Variants in VPS35L observed in about 807,000 individuals in gnomAD.
VPS35L encodes the protein VPS35 endosomal protein sorting factor like.
In VPS35L, 83 loss-of-function variants were observed where a neutral mutation model predicts 133.0. The ratio of observed to expected loss-of-function variants is 0.62; its 90% CI spans 0.52 to 0.75. VPS35L has a LOEUF of 0.75. VPS35L is among the 30% of genes least tolerant of loss of function. VPS35L has a pLI of 0.00. For synonymous variants in VPS35L, 423 were observed against 449.9 expected (o/e 0.94, Z 0.76); for missense variants, 1,083 against 1,206.8 (o/e 0.90, Z 1.52).
At chr16:19,666,453 G>A (rs1216259968) in intron 26 of VPS35L, among the ~76,000 whole-genome samples, 2 of 152,198 alleles carry the variant, frequency 1.3e-5, no homozygotes, top group African/African-American at 4.8e-5. Context: ...AATTACTTAA[G>A]ATAAGATTGA....
Position 19,664,017 on chromosome 16 carries a change from A to G in VPS35L, c.2222-5143A>G, listed in dbSNP as rs1220471119. 3.9e-5 allele frequency among the ~76,000 whole-genome samples: 6 copies of G among 152,068 alleles called. No homozygotes were observed. The East Asian group carries it at 1.2e-3, about 29-fold the overall frequency. ...AGTTTCCCGAATACCGTGTTCTTTC[A>G]GTGGTCCACAGACCTTTTGAAACTA... On this transcript the variant is annotated intron_variant, in intron 26 of 30. Coordinates refer to ENST00000417362, the MANE Select transcript of VPS35L (RefSeq NM_020314.7).
chr16:19,575,884 G>T (rs565868433), intron 5 of VPS35L, among the ~76,000 whole-genome samples: 1 of 146,644 alleles, frequency 6.8e-6, no homozygotes, highest in East Asian at 2.0e-4. Flanking sequence ...GGCCTGGTGC[G>T]GTGGCTCACA....
intron 12 of VPS35L, among the ~76,000 whole-genome samples, chr16:19,613,258 G>A (rs55807744): frequency 0.012 from 1,814 of 152,266 alleles, 33 homozygotes; most frequent in African/African-American, 0.04. Context: ...AGCCAAGATC[G>A]CGCCACTGCA....
intron 26 of VPS35L, among the ~76,000 whole-genome samples, chr16:19,666,972 C>CTTTCTTTTCT (rs113931786): frequency 2.1e-5 from 2 of 93,250 alleles, no homozygotes; most frequent in African/African-American, 3.4e-5. Flanking sequence ...TTCTTCCTTT[C>CTTTCTTTTCT]TTCCTTTCTT....
chr16:19,637,954 C>T (rs766331781), intron 20 of VPS35L, among the ~76,000 whole-genome samples: 15 of 152,184 alleles, frequency 9.9e-5, no homozygotes, highest in Non-Finnish European at 1.8e-4. Flanking sequence ...TTTGGACAGC[C>T]TTCTCTTACT....
At chr16:19,672,804 A>C (rs1974921501) in intron 27 of VPS35L, among the ~76,000 whole-genome samples, 1 of 152,242 alleles carries the variant, frequency 6.6e-6, no homozygotes. Context: ...GTGAGAAGGC[A>C]AAAGAAAAAA....
At chr16:19,569,622 G>C (rs754481517) in intron 3 of VPS35L, 31 bp downstream of exon 3, 2 of 1,507,700 alleles carry the variant, frequency 1.3e-6, no homozygotes, top group Middle Eastern at 1.8e-4. Flanking sequence ...TCGTCCAGTG[G>C]GGGTTGGTTT....
intron 23 of VPS35L, among the ~76,000 whole-genome samples, chr16:19,646,719 C>T (rs1973963020): frequency 6.6e-6 from 1 of 151,810 alleles, no homozygotes; most frequent in Non-Finnish European, 1.5e-5. Context: ...CTACTGCAAT[C>T]TGTGGGTCAA....
chr16:19,658,075 A>G (rs1284843901), intron 26 of VPS35L, among the ~76,000 whole-genome samples: 1 of 152,134 alleles, frequency 6.6e-6, no homozygotes, highest in African/African-American at 2.4e-5. Flanking sequence ...GAACCCACAG[A>G]AAAAGGGCAC....
chr16:19,589,227 G>A (rs1286956324), intron 7 of VPS35L, among the ~76,000 whole-genome samples: 1 of 152,078 alleles, frequency 6.6e-6, no homozygotes, highest in African/African-American at 2.4e-5. Context: ...GTATGCATTT[G>A]TTGTGGCTAT....
At chr16:19,671,468 C>CA (rs36049125) in intron 27 of VPS35L, among the ~76,000 whole-genome samples, 12,093 of 134,058 alleles carry the variant, frequency 0.09, 728 homozygotes, top group African/African-American at 0.16. Flanking sequence ...GACTCCATCT[C>CA]AAAAAAAAAA....
intron 6 of VPS35L, among the ~76,000 whole-genome samples, chr16:19,580,098 G>A (rs79029871): frequency 0.076 from 11,600 of 151,684 alleles, 817 homozygotes; most frequent in East Asian, 0.34. Context: ...TACTCAGGAG[G>A]CTGAAGTAGG....
At chr16:19,604,194 C>T (rs988065825) in intron 9 of VPS35L, among the ~76,000 whole-genome samples, 5 of 151,476 alleles carry the variant, frequency 3.3e-5, no homozygotes, top group African/African-American at 1.2e-4. Context: ...CTAGTTCTTC[C>T]TATTGTTATA....
chr16:19,614,289 C>T (rs938735751), intron 12 of VPS35L, among the ~76,000 whole-genome samples: 1 of 152,152 alleles, frequency 6.6e-6, no homozygotes, highest in African/African-American at 2.4e-5. Flanking sequence ...TTCCTGTACC[C>T]AGCAATCACA....
At chr16:19,674,184 C>CTTTTTTTTTTTTT (rs201038834) in intron 27 of VPS35L, among the ~76,000 whole-genome samples, 13 of 70,904 alleles carry the variant, frequency 1.8e-4, no homozygotes, top group Admixed American at 4.4e-4. Context: ...TTTTCTTTTT[C>CTTTTTTTTTTTTT]TTTTTTTTTT....
chr16:19,663,178 G>GC (rs1178600390), intron 26 of VPS35L, among the ~76,000 whole-genome samples: 1 of 152,070 alleles, frequency 6.6e-6, no homozygotes, highest in Non-Finnish European at 1.5e-5. Context: ...GGGCATGGTG[G>GC]CTCATGCCTA....
chr16:19,567,348 C>A (rs1343775026), intron 2 of VPS35L, among the ~76,000 whole-genome samples: 1 of 152,104 alleles, frequency 6.6e-6, no homozygotes, highest in Non-Finnish European at 1.5e-5. Context: ...TGCGCCCTAC[C>A]CTGAACCAGC....
chr16:19,625,401 C>T (rs779031298), intron 14 of VPS35L, among the ~76,000 whole-genome samples: 8 of 152,146 alleles, frequency 5.3e-5, no homozygotes, highest in African/African-American at 9.7e-5. Context: ...GCACCTTGGG[C>T]ACCTCTTAAA....
intron 27 of VPS35L, among the ~76,000 whole-genome samples, chr16:19,673,992 C>T (rs1974964444): frequency 6.6e-6 from 1 of 152,092 alleles, no homozygotes; most frequent in South Asian, 2.1e-4. Context: ...CTGTATCCCT[C>T]CTTGTGGGAC....
Sources: allele counts gnomAD v4.1 joint callset (sites outside exome capture counted in the v4.1 genomes callset), GRCh38; gene constraint gnomAD v4.1.1; transcripts MANE v1.5; gene names NCBI Gene and HGNC (gene_info 2026-07-23, HGNC 2026-07-21).